VPS13B: variants seen among roughly 807,000 people sequenced by gnomAD.
VPS13B encodes vacuolar protein sorting 13 homolog B.
Under a neutral mutation model 426.4 loss-of-function variants are expected in VPS13B, and 285 were observed. That is an observed-to-expected ratio of 0.67 (90% CI 0.61 to 0.74). VPS13B has a LOEUF of 0.74. Among genes scored for constraint, VPS13B ranks in the 30% least tolerant of loss-of-function variants. The pLI, the probability that VPS13B is intolerant of heterozygous loss-of-function variation, is 0.00. For synonymous variants in VPS13B, 1,676 were observed against 1,676.4 expected (o/e 1.00, Z 0.01); for missense variants, 4,537 against 4,782.6 (o/e 0.95, Z 1.51).
At chr8:99,661,117 C>G (rs1588598482) in intron 34 of VPS13B, among the ~76,000 whole-genome samples, 2 of 152,040 alleles carry the variant, frequency 1.3e-5, no homozygotes, top group African/African-American at 2.4e-5. Context: ...CAGATTTGAA[C>G]ATTTTTTTCC....
At chr8:99,868,589 T>C in intron 59 of VPS13B, 124 bp downstream of exon 59, 1 of 1,136,026 alleles carries the variant, frequency 8.8e-7, no homozygotes, top group East Asian at 2.6e-5. Flanking sequence ...CTTACCTCTC[T>C]ATGCTTATTT....
At chr8:99,482,978 T>G (rs1156857715) in intron 25 of VPS13B, among the ~76,000 whole-genome samples, 1 of 152,008 alleles carries the variant, frequency 6.6e-6, no homozygotes, top group Non-Finnish European at 1.5e-5. Flanking sequence ...CTATAGTAGA[T>G]GGAGGTAGAA....
At chr8:99,643,175 GC>G (rs762798685) in intron 34 of VPS13B, among the ~76,000 whole-genome samples, 69 of 152,244 alleles carry the variant, frequency 4.5e-4, no homozygotes, top group Non-Finnish European at 7.5e-4. Flanking sequence ...GTGGAGTCAA[GC>G]AAGGTGACAG....
intron 33 of VPS13B, among the ~76,000 whole-genome samples, chr8:99,586,871 A>C (rs1425478372): frequency 1.3e-5 from 2 of 152,176 alleles, no homozygotes; most frequent in African/African-American, 4.8e-5. Flanking sequence ...GTACATGTGC[A>C]CAACATGCAG....
At chr8:99,112,467 G>A (rs1336513467) in intron 6 of VPS13B, among the ~76,000 whole-genome samples, 1 of 151,784 alleles carries the variant, frequency 6.6e-6, no homozygotes, top group African/African-American at 2.4e-5. Flanking sequence ...TTTTTTCTTG[G>A]TAGTGCTTAG....
intron 30 of VPS13B, chr8:99,528,016 A>G (rs181953190): frequency 8.5e-5 from 13 of 152,194 alleles, no homozygotes; most frequent in African/African-American, 3.1e-4. Context: ...ATGCTGGTGT[A>G]TCCTCTATAC....
chr8:99,658,997 AT>A (rs985543732), intron 34 of VPS13B, among the ~76,000 whole-genome samples: 1 of 151,658 alleles, frequency 6.6e-6, no homozygotes, highest in African/African-American at 2.4e-5. Flanking sequence ...GCCCAGCTAA[AT>A]TTTTTTGTAT....
chr8:99,027,909 C>T (rs999588725), intron 2 of VPS13B, among the ~76,000 whole-genome samples: 17 of 151,988 alleles, frequency 1.1e-4, no homozygotes, highest in Non-Finnish European at 1.6e-4. Context: ...GTGTTTGTGT[C>T]CCTGGGTACT....
chr8:99,872,935 T>A (rs1563521165), intron 61 of VPS13B, among the ~76,000 whole-genome samples: 1 of 152,184 alleles, frequency 6.6e-6, no homozygotes, highest in Non-Finnish European at 1.5e-5. Flanking sequence ...GGCTTTAAGC[T>A]AGGGTTTGGC....
At chr8:99,234,303 C>T in intron 17 of VPS13B, 2 of 758,624 alleles carry the variant, frequency 2.6e-6, no homozygotes, top group Non-Finnish European at 4.9e-6. Flanking sequence ...TTGACTTGTT[C>T]CACATTCTCC....
chr8:99,510,667 C>A (rs551173824), intron 28 of VPS13B, among the ~76,000 whole-genome samples: 1 of 152,090 alleles, frequency 6.6e-6, no homozygotes, highest in Non-Finnish European at 1.5e-5. Flanking sequence ...CATGCCACCA[C>A]ATCTGGCTAA....
intron 21 of VPS13B, among the ~76,000 whole-genome samples, chr8:99,416,014 C>T (rs1017682779): frequency 1.2e-4 from 19 of 152,236 alleles, no homozygotes; most frequent in African/African-American, 4.6e-4. Context: ...GCTGCGCCCA[C>T]AGCCGCACCT....
chr8:99,334,915 A>G (rs1810742349), intron 19 of VPS13B, among the ~76,000 whole-genome samples: 1 of 152,090 alleles, frequency 6.6e-6, no homozygotes, highest in Admixed American at 6.6e-5. Flanking sequence ...GTTGATTGGA[A>G]TAGTTTCAGA....
intron 30 of VPS13B, among the ~76,000 whole-genome samples, chr8:99,529,058 T>C (rs1822789380): frequency 6.6e-6 from 1 of 152,088 alleles, no homozygotes; most frequent in Admixed American, 6.6e-5. Flanking sequence ...TTTTTGAAAA[T>C]ACATCTACCC....
chr8:99,322,345 A>G (rs1810024641), intron 19 of VPS13B, among the ~76,000 whole-genome samples: 1 of 152,158 alleles, frequency 6.6e-6, no homozygotes. Context: ...GATCACTAAT[A>G]TTTTCACTTA....
At chr8:99,628,871 A>T (rs1356477915) in intron 33 of VPS13B, among the ~76,000 whole-genome samples, 1 of 151,814 alleles carries the variant, frequency 6.6e-6, no homozygotes, top group Non-Finnish European at 1.5e-5. Context: ...TTAGACTCCT[A>T]AGCTCAAGCT....
Position 99,811,403 on chromosome 8 carries a change from G to A in VPS13B, c.8097+1873G>A, listed in dbSNP as rs544491446. Among the ~76,000 whole-genome samples, 6 of 152,140 alleles carry A rather than the reference G, an allele frequency of 3.9e-5. No individual in the cohort carries two copies. In the South Asian group the frequency reaches 8.3e-4, roughly 21 times the overall value. On this transcript the variant is annotated intron_variant, in intron 44 of 61. Transcript: ENST00000357162. ...TTCCCCTTGGTTTTCTTCTCTCTAG[G>A]CCTTCTCAAATTTGAGTATGCATCA... is the stretch of plus-strand genomic sequence containing the variant.
rs190339207 is a variant in VPS13B, at chr8:99,296,309, A to C, written c.2824+21055A>C. 1.7e-4 allele frequency among the ~76,000 whole-genome samples: 26 copies of C among 152,270 alleles called. No individual in the cohort carries two copies. In the East Asian group the frequency reaches 4.8e-3, roughly 28 times the overall value. On this transcript the variant is annotated intron_variant, in intron 19 of 61. Transcript: ENST00000357162. ...AGCATTTATTGTTCTAGAAGCTATA[A>C]ATTTTTAATAAACTTTTTTTCACTG...
At chr8:99,627,139 G>A (rs1022326610) in intron 33 of VPS13B, among the ~76,000 whole-genome samples, 9 of 152,030 alleles carry the variant, frequency 5.9e-5, no homozygotes, top group Non-Finnish European at 1.2e-4. Flanking sequence ...ATGGGGAGTT[G>A]TTGATCAAAG....
Sources: gnomAD v4.1 joint callset for allele counts (sites outside exome capture counted in the v4.1 genomes callset) on GRCh38, gnomAD v4.1.1 for gene constraint, MANE v1.5 for transcripts, NCBI Gene and HGNC (gene_info 2026-07-23, HGNC 2026-07-21) for gene names.